The following CTBP2 variants were observed in gnomAD, a reference collection of about 807,000 sequenced individuals.
The protein encoded by CTBP2 is C-terminal binding protein 2.
In CTBP2, 30 loss-of-function variants were observed where a neutral mutation model predicts 80.3. That is an observed-to-expected ratio of 0.37 (90% CI 0.28 to 0.51). CTBP2 has a LOEUF of 0.51. CTBP2 is among the 20% of genes least tolerant of loss of function. The pLI is 0.93. For synonymous variants in CTBP2, 594 were observed against 587.4 expected (o/e 1.01, Z -0.16); for missense variants, 1,212 against 1,375.3 (o/e 0.88, Z 1.88).
At chr10:125,079,560 T>C (rs1282071430) in intron 2 of CTBP2, among the ~76,000 whole-genome samples, 1 of 152,208 alleles carries the variant, frequency 6.6e-6, no homozygotes, top group African/African-American at 2.4e-5. Flanking sequence ...CAGCCCATTA[T>C]ACATACAGAA....
chr10:124,987,366 A>ATT lies in CTBP2; in HGVS notation c.*2151_*2152insAA, dbSNP rs1460165792. Reference sequence around the variant, plus strand: ...TGTTCTTCCTTGGGGTCAAATTTATATATATATATATAAATTTTTGTTTGG... The same window carrying ATT: ...TGTTCTTCCTTGGGGTCAAATTTATATTTATATATATATAAATTTTTGTTTGG... On this transcript the variant is annotated 3_prime_UTR_variant, in exon 9 of 9. Coordinates refer to ENST00000309035, the MANE Select transcript of CTBP2 (RefSeq NM_022802.3). 2 of 151,590 alleles carry ATT rather than the reference A, an allele frequency of 1.3e-5. No homozygotes were observed. The highest frequency in any genetic ancestry group is 2.9e-5 in the Non-Finnish European group (2 of 67,942). 9.4% of individuals were successfully genotyped at this position (151,590 alleles called of 1,614,324 possible). A position where few individuals can be genotyped will look rare whatever the true frequency, so the allele number is the denominator to read the frequency against.
intron 2 of CTBP2, among the ~76,000 whole-genome samples, chr10:125,096,252 T>G (rs1420952119): frequency 6.6e-6 from 1 of 152,264 alleles, no homozygotes; most frequent in African/African-American, 2.4e-5. Context: ...ACTTCGTATT[T>G]CCTTTTCGTC....
upstream of CTBP2, among the ~76,000 whole-genome samples, chr10:125,029,600 C>T (rs951600843): frequency 1.5e-4 from 23 of 152,238 alleles, no homozygotes; most frequent in Admixed American, 1.3e-3. Flanking sequence ...TTCTTTCCTC[C>T]CCTTGTTGTA....
intron 2 of CTBP2, among the ~76,000 whole-genome samples, chr10:125,105,072 T>C (rs746951553): frequency 6.6e-5 from 10 of 152,226 alleles, no homozygotes; most frequent in Non-Finnish European, 1.2e-4. Context: ...GTGATCACAG[T>C]GCACTGCAGA....
At chr10:125,085,033 C>A (rs566973170) in intron 2 of CTBP2, among the ~76,000 whole-genome samples, 1 of 152,188 alleles carries the variant, frequency 6.6e-6, no homozygotes, top group South Asian at 2.1e-4. Context: ...AAAGATGACC[C>A]GACCTGGCGC....
intron 2 of CTBP2, among the ~76,000 whole-genome samples, chr10:125,098,814 A>G (rs1324663863): frequency 7.3e-6 from 1 of 137,196 alleles, no homozygotes; most frequent in Non-Finnish European, 1.6e-5. Context: ...CAGGCCTCGG[A>G]GCTGCCCACC....
chr10:125,108,298 G>C (rs1440884314), intron 2 of CTBP2, among the ~76,000 whole-genome samples: 1 of 152,176 alleles, frequency 6.6e-6, no homozygotes, highest in Non-Finnish European at 1.5e-5. Context: ...AACAGGAATG[G>C]GATGCTTTTA....
intron 2 of CTBP2, among the ~76,000 whole-genome samples, chr10:125,059,597 G>C (rs544595962): frequency 1.3e-5 from 2 of 152,124 alleles, no homozygotes; most frequent in South Asian, 2.1e-4. Context: ...CAGACCCAAG[G>C]CTTGTCACCA....
intron 1 of CTBP2, among the ~76,000 whole-genome samples, chr10:125,137,779 T>G (rs1339424237): frequency 5.3e-5 from 8 of 152,210 alleles, no homozygotes; most frequent in Admixed American, 5.2e-4. Flanking sequence ...CTCCACCACG[T>G]TCTTTTTCCT....
chr10:125,000,010 C>G (rs1412155759), intron 3 of CTBP2: 1 of 152,256 alleles, frequency 6.6e-6, no homozygotes, highest in East Asian at 1.9e-4. Context: ...GCTGGGAGAC[C>G]CCACAAGGCC....
At chr10:125,056,550 A>G (rs950389941) in intron 2 of CTBP2, among the ~76,000 whole-genome samples, 19 of 152,312 alleles carry the variant, frequency 1.2e-4, no homozygotes, top group African/African-American at 4.6e-4. Context: ...ATCACAACAC[A>G]GCGGCCCAGG....
intron 2 of CTBP2, among the ~76,000 whole-genome samples, chr10:125,084,424 C>T (rs912876772): frequency 1.4e-4 from 22 of 152,172 alleles, no homozygotes; most frequent in African/African-American, 4.3e-4. Flanking sequence ...CAGAGGGAGG[C>T]GCTCTGGAGG....
At chr10:125,136,470 C>G (rs1591014741) in intron 1 of CTBP2, among the ~76,000 whole-genome samples, 1 of 152,350 alleles carries the variant, frequency 6.6e-6, no homozygotes, top group South Asian at 2.1e-4. Flanking sequence ...ACACTGTTCC[C>G]CCACCCTAAC....
At chr10:125,096,608 C>G (rs1849583782) in intron 2 of CTBP2, among the ~76,000 whole-genome samples, 1 of 152,158 alleles carries the variant, frequency 6.6e-6, no homozygotes, top group African/African-American at 2.4e-5. Context: ...GTATGAAACT[C>G]TCTGCTGAGT....
chr10:125,036,828 C>T (rs1025745498), intron 3 of CTBP2, among the ~76,000 whole-genome samples: 1 of 152,056 alleles, frequency 6.6e-6, no homozygotes, highest in Non-Finnish European at 1.5e-5. Flanking sequence ...TTCCTGGGTG[C>T]AAACTGCCTA....
chr10:125,041,957 G>T (rs981278418), intron 2 of CTBP2, among the ~76,000 whole-genome samples: 4 of 149,154 alleles, frequency 2.7e-5, no homozygotes, highest in African/African-American at 9.9e-5. Context: ...TGACTCCCAT[G>T]TCTGGCTTTT....
chr10:125,036,579 C>A (rs1391545299), intron 3 of CTBP2, among the ~76,000 whole-genome samples: 1 of 151,648 alleles, frequency 6.6e-6, no homozygotes, highest in Non-Finnish European at 1.5e-5. Context: ...GAGAAAAAAA[C>A]AGTTTGACAG....
At chr10:125,037,704 T>C (rs2134955234) in intron 3 of CTBP2, among the ~76,000 whole-genome samples, 1 of 152,348 alleles carries the variant, frequency 6.6e-6, no homozygotes, top group South Asian at 2.1e-4. Context: ...ATGCAGCCTA[T>C]ACTAGACAAT....
chr10:125,123,556 A>G (rs1281600452), intron 1 of CTBP2, among the ~76,000 whole-genome samples: 2 of 152,230 alleles, frequency 1.3e-5, no homozygotes, highest in African/African-American at 4.8e-5. Context: ...GGTTTAGCTC[A>G]TGCTGGGCAC....
Sources: gnomAD v4.1 joint callset for allele counts (sites outside exome capture counted in the v4.1 genomes callset) on GRCh38, gnomAD v4.1.1 for gene constraint, MANE v1.5 for transcripts, NCBI Gene and HGNC (gene_info 2026-07-23, HGNC 2026-07-21) for gene names.